The following DGKB variants were observed in gnomAD, a reference collection of about 807,000 sequenced individuals.
DGKB encodes the protein diacylglycerol kinase beta.
Under a neutral mutation model 114.3 loss-of-function variants are expected in DGKB, and 67 were observed. That is an observed-to-expected ratio of 0.59 (90% CI 0.48 to 0.72). The LOEUF (loss-of-function observed/expected upper bound fraction) is 0.72. Ranked by LOEUF, DGKB falls within the 30% of genes least tolerant of loss-of-function variation. The pLI, the probability that DGKB is intolerant of heterozygous loss-of-function variation, is 0.00. For synonymous variants in DGKB, 398 were observed against 323.1 expected, an observed-to-expected ratio of 1.23 and a Z score of -2.49; for missense variants, 907 against 975.2, an observed-to-expected ratio of 0.93 and a Z score of 0.93.
At chr7:14,356,134 C>T (rs564510399) in intron 21 of DGKB, among the ~76,000 whole-genome samples, 5 of 152,176 alleles carry the variant, frequency 3.3e-5, no homozygotes, top group African/African-American at 1.2e-4. Context: ...TCCTCTTTAT[C>T]ATTTTTTATT....
chr7:14,169,921 G>A (rs542785407), intron 25 of DGKB, among the ~76,000 whole-genome samples: 40 of 152,060 alleles, frequency 2.6e-4, no homozygotes, highest in Admixed American at 7.9e-4. Flanking sequence ...GATCACCTGA[G>A]GTTGGGAGTT....
chr7:14,888,537 C>A (rs955265509), intron 1 of DGKB, among the ~76,000 whole-genome samples: 1 of 151,382 alleles, frequency 6.6e-6, no homozygotes, highest in Non-Finnish European at 1.5e-5. Context: ...GACTTTACAG[C>A]GAAAATATAA....
At chr7:14,804,382 G>T (rs1010191680) in intron 2 of DGKB, among the ~76,000 whole-genome samples, 1 of 151,828 alleles carries the variant, frequency 6.6e-6, no homozygotes, top group African/African-American at 2.4e-5. Context: ...GATAGTCTAA[G>T]TATTTATTTT....
chr7:14,474,666 G>A (rs1781905240), intron 21 of DGKB, among the ~76,000 whole-genome samples: 1 of 151,894 alleles, frequency 6.6e-6, no homozygotes, highest in South Asian at 2.1e-4. Flanking sequence ...AAAAAAGGAA[G>A]TATTTAAAGT....
intron 23 of DGKB, among the ~76,000 whole-genome samples, chr7:14,181,888 C>CAGA (rs1782683019): frequency 6.6e-6 from 1 of 152,122 alleles, no homozygotes; most frequent in Non-Finnish European, 1.5e-5. Context: ...TAGGTATTTT[C>CAGA]ACATTTAAAA....
At chr7:14,446,039 A>C (rs1830681865) in intron 21 of DGKB, among the ~76,000 whole-genome samples, 1 of 152,110 alleles carries the variant, frequency 6.6e-6, no homozygotes. Context: ...TTCTTGACTT[A>C]ATTGAATATC....
intron 23 of DGKB, among the ~76,000 whole-genome samples, chr7:14,245,639 T>C (rs142768845): frequency 1.3e-5 from 2 of 152,292 alleles, no homozygotes; most frequent in East Asian, 3.9e-4. Context: ...CCATTTAACA[T>C]GATTTCTGCC....
chr7:14,797,768 TC>T (rs1841601223), intron 2 of DGKB, among the ~76,000 whole-genome samples: 1 of 152,118 alleles, frequency 6.6e-6, no homozygotes, highest in Admixed American at 6.5e-5. Context: ...CCTTCTTCTC[TC>T]CCATTGTTTG....
At chr7:14,464,137 A>T in intron 21 of DGKB, among the ~76,000 whole-genome samples, 1 of 151,956 alleles carries the variant, frequency 6.6e-6, no homozygotes, top group African/African-American at 2.4e-5. Context: ...AAATTACTTT[A>T]GTTATATTTG....
At chr7:14,475,014 A>C (rs927241407) in intron 21 of DGKB, among the ~76,000 whole-genome samples, 7 of 152,170 alleles carry the variant, frequency 4.6e-5, no homozygotes, top group African/African-American at 1.7e-4. Context: ...CAACGGAAAA[A>C]TCATTACCTT....
chr7:14,163,304 G>C (rs1168607136), intron 25 of DGKB, among the ~76,000 whole-genome samples: 1 of 151,854 alleles, frequency 6.6e-6, no homozygotes, highest in Non-Finnish European at 1.5e-5. Context: ...TTGCTTGAGG[G>C]CCAGAAAGCA....
At chr7:14,782,200 A>G (rs947331905) in intron 2 of DGKB, among the ~76,000 whole-genome samples, 4 of 151,870 alleles carry the variant, frequency 2.6e-5, no homozygotes, top group African/African-American at 9.7e-5. Context: ...AATTTTTTGT[A>G]TTTTCAGTAC....
In DGKB at chr7:14,792,303, T is replaced by C. The variant is rs146204183; in HGVS notation, c.71-34572A>G. On this transcript the variant is annotated intron_variant, in intron 2 of 25. Coordinates refer to ENST00000402815, the MANE Select transcript of DGKB (RefSeq NM_001350709.2). Reference sequence around the variant, plus strand: ...ATGAATGTAAGGTATTTGGTATATATTAAGTGCTTTATTCGTGTTTTAAAA... The same window carrying C: ...ATGAATGTAAGGTATTTGGTATATACTAAGTGCTTTATTCGTGTTTTAAAA... 7.9e-5 allele frequency among the ~76,000 whole-genome samples: 12 copies of C among 152,242 alleles called. No homozygotes were observed. The East Asian group carries it at 2.3e-3, about 29-fold the overall frequency.
rs1452780092 is a variant in DGKB at position 14,673,032 on chromosome 7, A to G, written c.1036-5T>C. ...AGAAGCACATTTATTATGCAGCTAG[A>G]AAAACAGAAAGGGGGATAGTATCAA... is the stretch of plus-strand genomic sequence containing the variant. On this transcript the variant is annotated splice_region_variant and splice_polypyrimidine_tract_variant and intron_variant, in intron 12 of 25. Coordinates refer to ENST00000402815, the MANE Select transcript of DGKB (RefSeq NM_001350709.2). 1 of 1,543,746 alleles carries G rather than the reference A, an allele frequency of 6.5e-7. No homozygotes were observed. The highest frequency in any genetic ancestry group is 1.4e-5 in the African/African-American group (1 of 73,316).
chr7:14,427,076 C>T (rs911009888), intron 21 of DGKB, among the ~76,000 whole-genome samples: 5 of 151,650 alleles, frequency 3.3e-5, no homozygotes, highest in African/African-American at 1.2e-4. Flanking sequence ...CAAGGGGGAA[C>T]ACACACTGGG....
intron 25 of DGKB, among the ~76,000 whole-genome samples, chr7:14,149,948 C>G (rs899397849): frequency 1.3e-5 from 2 of 152,056 alleles, no homozygotes; most frequent in East Asian, 3.9e-4. Context: ...AATGAGACAA[C>G]CTTAAAGTAG....
chr7:14,952,914 A>G (rs1189357626), intron 1 of DGKB, among the ~76,000 whole-genome samples: 1 of 152,138 alleles, frequency 6.6e-6, no homozygotes, highest in African/African-American at 2.4e-5. Context: ...ATAAACCATC[A>G]CATTTACAAT....
At chr7:14,704,517 G>C (rs999656398) in intron 6 of DGKB, among the ~76,000 whole-genome samples, 13 of 151,648 alleles carry the variant, frequency 8.6e-5, no homozygotes, top group African/African-American at 2.9e-4. Flanking sequence ...GAACAGCTCC[G>C]GTCTACAGCT....
At chr7:14,488,216 G>A (rs766018207) in intron 20 of DGKB, among the ~76,000 whole-genome samples, 1 of 152,076 alleles carries the variant, frequency 6.6e-6, no homozygotes, top group African/African-American at 2.4e-5. Flanking sequence ...TGACCTCAGA[G>A]AATCTAGAGA....
Sources: gnomAD v4.1 joint callset for allele counts (sites outside exome capture counted in the v4.1 genomes callset) on GRCh38, gnomAD v4.1.1 for gene constraint, MANE v1.5 for transcripts, NCBI Gene and HGNC (gene_info 2026-07-23, HGNC 2026-07-21) for gene names.